CRACD: variants seen among roughly 807,000 people sequenced by gnomAD.
CRACD encodes the protein capping protein inhibiting regulator of actin dynamics, also known as capping protein-inhibiting regulator of actin dynamics.
A neutral mutation model predicts 106.8 loss-of-function variants in CRACD; 56 were observed. The observed-to-expected ratio is 0.52, with a 90% confidence interval of 0.42 to 0.66. CRACD has a LOEUF of 0.66. Ranked by LOEUF, CRACD falls within the 30% of genes least tolerant of loss-of-function variation. CRACD has a pLI of 0.00. For missense variants in CRACD, 1,730 were observed against 1,623.2 expected (o/e 1.07, Z -1.13); for synonymous variants, 754 against 670.8 (o/e 1.12, Z -1.92).
intron 1 of CRACD, among the ~76,000 whole-genome samples, chr4:56,107,605 A>G (rs1047629167): frequency 6.6e-6 from 1 of 152,140 alleles, no homozygotes; most frequent in East Asian, 1.9e-4. Context: ...TTTCAGGGCT[A>G]CCCCATGGAG....
At chr4:56,319,290 T>A (rs1329139999) in intron 8 of CRACD, among the ~76,000 whole-genome samples, 2 of 152,120 alleles carry the variant, frequency 1.3e-5, no homozygotes, top group Non-Finnish European at 2.9e-5. Flanking sequence ...TCACTGCCAG[T>A]CAGGGTACTA....
intron 1 of CRACD, among the ~76,000 whole-genome samples, chr4:56,098,863 T>C (rs1733682839): frequency 6.6e-6 from 1 of 152,116 alleles, no homozygotes; most frequent in Admixed American, 6.5e-5. Flanking sequence ...TTAGTAGAGA[T>C]GTGGTTTCAC....
intron 2 of CRACD, among the ~76,000 whole-genome samples, chr4:56,199,926 C>T (rs141719139): frequency 1.5e-3 from 222 of 151,500 alleles, no homozygotes; most frequent in African/African-American, 5.1e-3. Flanking sequence ...ATAGACTAGA[C>T]GATAACATAG....
intron 1 of CRACD, among the ~76,000 whole-genome samples, chr4:56,063,508 A>G (rs1472198862): frequency 2.6e-5 from 4 of 152,156 alleles, no homozygotes; most frequent in Non-Finnish European, 4.4e-5. Flanking sequence ...CATCTCAACT[A>G]GAAATTCTGA....
chr4:56,248,491 T>G (rs989675517), intron 2 of CRACD, among the ~76,000 whole-genome samples: 1 of 147,092 alleles, frequency 6.8e-6, no homozygotes, highest in Non-Finnish European at 1.5e-5. Flanking sequence ...CAAGGCTCAA[T>G]GCATTATTTT....
intron 3 of CRACD, among the ~76,000 whole-genome samples, chr4:56,280,157 G>T (rs1340454704): frequency 1.2e-4 from 13 of 109,102 alleles, no homozygotes; most frequent in East Asian, 3.4e-4. Flanking sequence ...GTGGGGGGAG[G>T]GGGGAGGGAT....
At chr4:56,122,138 A>C (rs545795866) in intron 1 of CRACD, among the ~76,000 whole-genome samples, 1 of 152,036 alleles carries the variant, frequency 6.6e-6, no homozygotes, top group Non-Finnish European at 1.5e-5. Context: ...CACTTCTGTG[A>C]ATATCCACTG....
intron 1 of CRACD, among the ~76,000 whole-genome samples, chr4:56,175,393 G>A (rs2109428199): frequency 6.6e-6 from 1 of 152,198 alleles, no homozygotes; most frequent in East Asian, 1.9e-4. Context: ...ATATCTTATT[G>A]TGGTTTTTGA....
At chr4:56,214,426 C>T (rs1284384174) in intron 2 of CRACD, among the ~76,000 whole-genome samples, 1 of 151,342 alleles carries the variant, frequency 6.6e-6, no homozygotes, top group African/African-American at 2.4e-5. Context: ...AAACTCATCT[C>T]TACTAAAATA....
At chr4:56,270,334 G>C (rs539457675) in intron 2 of CRACD, among the ~76,000 whole-genome samples, 2 of 152,132 alleles carry the variant, frequency 1.3e-5, no homozygotes, top group South Asian at 4.2e-4. Context: ...GAGATTACAG[G>C]CGTGAGCCAC....
rs182360788 is a variant in CRACD at position 56,199,047 on chromosome 4, G to A, written c.-189+19617G>A. The stretch of plus-strand genomic sequence containing the variant: ...CTCTGGAATGGAGTGGCATTTTGGG[G>A]GCAGTCAACCCTGACAGCTTGGTGC... On this transcript the variant is annotated intron_variant, in intron 2 of 10. Coordinates refer to ENST00000682029, the MANE Select transcript of CRACD (RefSeq NM_001393381.1). Among the ~76,000 whole-genome samples, 972 of 152,110 alleles carry A rather than the reference G, an allele frequency of 6.4e-3. 9 individuals carry two copies. The highest frequency in any genetic ancestry group is 9.0e-3 in the Non-Finnish European group (611 of 67,998).
At chr4:56,199,685 AAAAAAAAAG>A (rs924231243) in intron 2 of CRACD, among the ~76,000 whole-genome samples, 3 of 147,010 alleles carry the variant, frequency 2.0e-5, no homozygotes, top group East Asian at 2.0e-4. Context: ...CCGTCTCAAA[AAAAAAAAAG>A]AAAAGAAAAA....
chr4:56,324,747 AG>A (rs756975987), intron 10 of CRACD, among the ~76,000 whole-genome samples: 1 of 152,238 alleles, frequency 6.6e-6, no homozygotes, highest in African/African-American at 2.4e-5. Context: ...CTTGGGGTAA[AG>A]GGTGAAGTTT....
At chr4:56,191,272 C>T (rs1560478364) in intron 2 of CRACD, among the ~76,000 whole-genome samples, 1 of 152,134 alleles carries the variant, frequency 6.6e-6, no homozygotes, top group East Asian at 1.9e-4. Flanking sequence ...GGGAGAATCC[C>T]TTTCCTTGTG....
At chr4:56,059,492 A>G (rs918894994) in intron 1 of CRACD, among the ~76,000 whole-genome samples, 3 of 152,058 alleles carry the variant, frequency 2.0e-5, no homozygotes, top group Non-Finnish European at 4.4e-5. Context: ...AGAAAAGAAA[A>G]TTTCCATTTC....
chr4:56,124,109 T>G (rs2109857460), intron 1 of CRACD, among the ~76,000 whole-genome samples: 1 of 152,042 alleles, frequency 6.6e-6, no homozygotes, highest in East Asian at 1.9e-4. Context: ...AGCTAATTTT[T>G]GAATTTTTAG....
At chr4:56,204,121 T>C (rs1738011347) in intron 2 of CRACD, among the ~76,000 whole-genome samples, 1 of 152,230 alleles carries the variant, frequency 6.6e-6, no homozygotes, top group Non-Finnish European at 1.5e-5. Flanking sequence ...CCAGCATTCT[T>C]GGCTAGGCAT....
At position 56,316,171 on chromosome 4, in the gene CRACD, G is replaced by C. The variant is rs376385425; in HGVS notation, c.2669G>C (p.Arg890Pro). 6 of 1,614,014 alleles carry C rather than the reference G, an allele frequency of 3.7e-6. No individual in the cohort carries two copies. The highest frequency in any genetic ancestry group is 2.2e-5 in the East Asian group (1 of 44,872). ...DAGPPAAGSA[R>P]GEKEMEGVAL... is the part of the protein sequence containing the mutation. ...GGGCCGCCTGCAGCGGGGAGCGCTC[G>C]TGGAGAGAAAGAGATGGAGGGTGTG... The change falls in exon 8 of 11, where the codon CGT becomes CCT. Residue 890 changes from arginine (R) to proline (P), a missense_variant. Transcript: ENST00000682029.
In CRACD at chr4:56,315,533, G is replaced by A; in HGVS notation, c.2031G>A (p.Lys677=). The part of the protein sequence containing the change: ...EWASIRSRIL[K]NAESDPRSSE... ...CTTCCATTCGGTCCAGAATCCTGAAGAACGCAGAGAGTGACCCGCGCAGCA... is the reference window on the plus strand; with the variant it reads ...CTTCCATTCGGTCCAGAATCCTGAAAAACGCAGAGAGTGACCCGCGCAGCA... Residue 677 remains lysine, a synonymous_variant, in exon 8 of 11, where the codon AAG becomes AAA. Coordinates refer to ENST00000682029, the MANE Select transcript of CRACD (RefSeq NM_001393381.1). This position sits in a 1 kb window ranked among gnomAD's most constrained non-coding sequence, Gnocchi z 4.1. 6.2e-7 allele frequency: 1 copy of A among 1,614,072 alleles called. No homozygotes were observed. Among genetic ancestry groups the A allele is most frequent in the Non-Finnish European group, 8.5e-7 (1 of 1,180,030 alleles).
Sources: gnomAD v4.1 joint callset for allele counts (sites outside exome capture counted in the v4.1 genomes callset) on GRCh38, gnomAD v4.1.1 for gene constraint, Gnocchi (gnomAD v3.1) non-coding constraint, MANE v1.5 for transcripts, NCBI Gene and HGNC (gene_info 2026-07-23, HGNC 2026-07-21) for gene names.